SNAPIN: variants seen among roughly 807,000 people sequenced by gnomAD.
The protein encoded by SNAPIN is SNARE-associated protein Snapin.
In SNAPIN, 16 loss-of-function variants were observed where a neutral mutation model predicts 15.9. The observed-to-expected ratio is 1.01, with a 90% CI of 0.68 to 1.53. The LOEUF (loss-of-function observed/expected upper bound fraction) is 1.53. SNAPIN is among the 40% of genes most tolerant of loss of function. SNAPIN has a pLI of 0.00. For missense variants in SNAPIN, 186 were observed against 180.1 expected, an observed-to-expected ratio of 1.03 and a Z score of -0.19; for synonymous variants, 83 against 76.2, an observed-to-expected ratio of 1.09 and a Z score of -0.46.
chr1:153,659,458 C>A lies in SNAPIN; in HGVS notation c.201C>A (p.Arg67=), dbSNP rs746255445. The A allele has an allele frequency of 1.9e-6, 3 of 1,613,408 alleles. No homozygotes were observed. The highest frequency in any genetic ancestry group is 2.5e-6 in the Non-Finnish European group (3 of 1,179,380). ...QIDNLATELC[R]INEDQKVALD... ...TACTTCCATCCCCAGAACTGTGCCG[C>A]ATAAATGAGGATCAGAAGGTGGCCC... Residue 67 remains arginine, a synonymous_variant, in exon 3 of 4, where the codon CGC becomes CGA. Coordinates refer to ENST00000368685, the MANE Select transcript of SNAPIN (RefSeq NM_012437.6).
chr1:153,659,108 T>A (rs377691948), intron 1 of SNAPIN, 30 bp from the exon 2 acceptor site: 2 of 1,613,466 alleles, frequency 1.2e-6, no homozygotes, highest in Non-Finnish European at 1.7e-6. Context: ...GGTAACTGCC[T>A]GACCTTGTAG....
rs757118938 is a variant in SNAPIN at position 153,661,298 on chromosome 1, A to G, written c.408A>G (p.Lys136=). ...SGIYPPGSPG[K] ...TTTACCCCCCTGGCTCCCCAGGCAAATAACAGATGAGCCTATGGACTCAGT... is the reference window on the plus strand; with the variant it reads ...TTTACCCCCCTGGCTCCCCAGGCAAGTAACAGATGAGCCTATGGACTCAGT... Residue 136 remains lysine, a synonymous_variant, in exon 4 of 4, where the codon AAA becomes AAG. Transcript: ENST00000368685. 1.1e-5 allele frequency: 17 copies of G among 1,611,258 alleles called. No individual in the cohort carries two copies. The highest frequency in any genetic ancestry group is 1.3e-5 in the African/African-American group (1 of 74,864).
rs34770483 is a variant in SNAPIN, at chr1:153,660,786, A to ATT, written c.310-400_310-399dup. Among the ~76,000 whole-genome samples, 936 of 137,570 alleles carry ATT rather than the reference A, an allele frequency of 6.8e-3. 13 individuals are homozygous for ATT. The highest frequency in any genetic ancestry group is 0.023 in the African/African-American group (868 of 37,136). 90.3% of individuals were successfully genotyped at this position (137,570 alleles called of 152,430 possible). A position where few individuals can be genotyped will look rare whatever the true frequency, so the allele number is the denominator to read the frequency against. On this transcript the variant is annotated intron_variant, in intron 3 of 3. Transcript: ENST00000368685. ...GGCATGAGCACCATGCCTGGCCTAC[A>ATT]TTTTTTTTTTTTTTTGAGATGGAGT... is the stretch of plus-strand genomic sequence containing the variant.
At position 153,658,751 on chromosome 1, in the gene SNAPIN, G is replaced by A; in HGVS notation, c.8G>A (p.Gly3Glu). The change falls in exon 1 of 4, where the codon GGG becomes GAG. Residue 3 changes from glycine to glutamate, a missense_variant. Gly to Glu is a moderately conservative substitution (Grantham distance 98). Coordinates refer to ENST00000368685, the MANE Select transcript of SNAPIN (RefSeq NM_012437.6). The part of the protein sequence containing the change: MA[G>E]AGSAAVSGAG... ...GCTTCAGGACAATTCGTGATGGCGG[G>A]GGCTGGTTCCGCCGCTGTATCGGGG... 6.4e-7 allele frequency: 1 copy of A among 1,562,466 alleles called. No individual in the cohort carries two copies.
chr1:153,660,838 G>A (rs979849175), intron 3 of SNAPIN, among the ~76,000 whole-genome samples: 7 of 148,540 alleles, frequency 4.7e-5, no homozygotes, highest in Non-Finnish European at 8.9e-5. Flanking sequence ...AGGCTAGAGT[G>A]CAGTGGCACG....
intron 3 of SNAPIN, among the ~76,000 whole-genome samples, chr1:153,659,825 C>T (rs375757409): frequency 2.6e-5 from 4 of 151,960 alleles, no homozygotes; most frequent in African/African-American, 9.7e-5. Flanking sequence ...CTGCAACCTC[C>T]GCCCCCTGGG....
At chr1:153,660,376 C>G (rs6427640) in intron 3 of SNAPIN, among the ~76,000 whole-genome samples, 1 of 147,240 alleles carries the variant, frequency 6.8e-6, no homozygotes, top group South Asian at 2.1e-4. Flanking sequence ...CGGCTGGGCG[C>G]GGTGGCTCTT....
rs368346117 is a variant in SNAPIN at position 153,661,145 on chromosome 1, TAC to T, written c.310-52_310-51del. On this transcript the variant is annotated intron_variant, in intron 3 of 3. Transcript: ENST00000368685. ...GGTATTTTTCAGCACCTAGTTCACT[TAC>T]ACTCTCAAGCCTTTCACAGTGGTTA... 2.8e-6 allele frequency: 4 copies of T among 1,452,052 alleles called. No individual in the cohort carries two copies. The African/African-American group carries it at 4.2e-5, about 15-fold the overall frequency. The allele number at this position is 1,452,052 out of a possible 1,614,324, so 89.9% of individuals were successfully genotyped here.
At chr1:153,660,888 G>A (rs919498479) in intron 3 of SNAPIN, among the ~76,000 whole-genome samples, 5 of 150,924 alleles carry the variant, frequency 3.3e-5, no homozygotes, top group Admixed American at 6.6e-5. Context: ...GGTTTCAAGC[G>A]ATTCTCCTGC....
chr1:153,659,969 A>G (rs1330647796), intron 3 of SNAPIN, among the ~76,000 whole-genome samples: 2 of 152,032 alleles, frequency 1.3e-5, no homozygotes, highest in East Asian at 3.9e-4. Context: ...TCCTGGGCTC[A>G]AGTGAGCTTC....
At position 153,661,592 on chromosome 1, in the gene SNAPIN, C is replaced by G; in HGVS notation, c.*291C>G. Reference sequence around the variant, plus strand: ...TTTTAAGCTGCATACGTGAGGCTTACCTTCTTCAGGACTAGTTAACCAGAG... The same window carrying G: ...TTTTAAGCTGCATACGTGAGGCTTAGCTTCTTCAGGACTAGTTAACCAGAG... On this transcript the variant is annotated 3_prime_UTR_variant, in exon 4 of 4. Transcript: ENST00000368685. 1 of 234,058 alleles carries G rather than the reference C, an allele frequency of 4.3e-6. No individual in the cohort carries two copies. The highest frequency in any genetic ancestry group is 6.2e-5 in the South Asian group (1 of 16,084). 14.5% of individuals were successfully genotyped at this position (234,058 alleles called of 1,614,324 possible).
At position 153,658,753 on chromosome 1, in the gene SNAPIN, G is replaced by C. The variant is rs947871223; in HGVS notation, c.10G>C (p.Ala4Pro). 2.6e-6 allele frequency: 4 copies of C among 1,564,148 alleles called. No individual in the cohort carries two copies. The African/African-American group carries it at 4.2e-5, about 16-fold the overall frequency. The change falls in exon 1 of 4, where the codon GCT becomes CCT. Residue 4 changes from alanine to proline, a missense_variant. Physicochemically the swap from Ala to Pro is conservative, Grantham distance 27. Coordinates refer to ENST00000368685, the MANE Select transcript of SNAPIN (RefSeq NM_012437.6). MAG[A>P]GSAAVSGAGT... ...TTCAGGACAATTCGTGATGGCGGGG[G>C]CTGGTTCCGCCGCTGTATCGGGGGC...
At chr1:153,658,656 G>C, upstream of SNAPIN, 5 of 1,397,124 alleles carry the variant, frequency 3.6e-6, no homozygotes, top group South Asian at 1.7e-5. Flanking sequence ...GCATTTCCCG[G>C]GCGCCCCCTC....
In SNAPIN at chr1:153,661,379, G is replaced by A. The variant is rs898228090; in HGVS notation, c.*78G>A. On this transcript the variant is annotated 3_prime_UTR_variant, in exon 4 of 4. Coordinates refer to ENST00000368685, the MANE Select transcript of SNAPIN (RefSeq NM_012437.6). ...TTCAACAGACATGCAAAGATCCTAG[G>A]AGACAGTCCCCATAGACCTTCAGAC... 5.5e-6 allele frequency: 6 copies of A among 1,098,348 alleles called. No homozygotes were observed. Among genetic ancestry groups the A allele is most frequent in the Non-Finnish European group, 8.2e-6 (6 of 728,868 alleles). The allele number at this position is 1,098,348 out of a possible 1,614,324, so 68.0% of individuals were successfully genotyped here. A position where few individuals can be genotyped will look rare whatever the true frequency, so the allele number is the denominator to read the frequency against.
chr1:153,659,554 A>G lies in SNAPIN; in HGVS notation c.297A>G (p.Leu99=). ...GCGTTGTCTTGGTTAACAACATTCTACAGAATGCTCAGGTAAAAGAATATC... is the reference window on the plus strand; with the variant it reads ...GCGTTGTCTTGGTTAACAACATTCTGCAGAATGCTCAGGTAAAAGAATATC... ...RRRVVLVNNI[L]QNAQERLRRL... is the part of the protein sequence containing the mutation. The change falls in exon 3 of 4, where the codon CTA becomes CTG. Residue 99 remains leucine, a synonymous_variant. Coordinates refer to ENST00000368685, the MANE Select transcript of SNAPIN (RefSeq NM_012437.6). 1 of 1,610,184 alleles carries G rather than the reference A, an allele frequency of 6.2e-7. No homozygotes were observed. The highest frequency in any genetic ancestry group is 1.1e-5 in the South Asian group (1 of 91,022).
At chr1:153,659,587 C>G (rs1294831325) in intron 3 of SNAPIN, 21 bp downstream of exon 3, 1 of 1,526,850 alleles carries the variant, frequency 6.5e-7, no homozygotes, top group Non-Finnish European at 9.1e-7. Flanking sequence ...ATCTTACCAA[C>G]AGTGATTCTT....
chr1:153,661,279 C>CGTA lies in SNAPIN; in HGVS notation c.389_390insGTA (p.Pro130_Pro131insTyr). ...GCAATGCTGGATTCGGGAATTTACC[C>CGTA]CCCTGGCTCCCCAGGCAAATAACAG... is the stretch of plus-strand genomic sequence containing the variant. On this transcript the variant is annotated inframe_insertion, in exon 4 of 4. Coordinates refer to ENST00000368685, the MANE Select transcript of SNAPIN (RefSeq NM_012437.6). 1 of 1,613,384 alleles carries CGTA rather than the reference C, an allele frequency of 6.2e-7. No individual in the cohort carries two copies. Among genetic ancestry groups the CGTA allele is most frequent in the South Asian group, 1.1e-5 (1 of 91,064 alleles).
In SNAPIN at chr1:153,661,828, T is replaced by C. The variant is rs1669175689; in HGVS notation, c.*527T>C. On this transcript the variant is annotated 3_prime_UTR_variant, in exon 4 of 4. Transcript: ENST00000368685. Reference sequence around the variant, plus strand: ...CATTTTATTCAATAAATACTTAAAATGATATTCTAGTTTACTCTGGTATAT... The same window carrying C: ...CATTTTATTCAATAAATACTTAAAACGATATTCTAGTTTACTCTGGTATAT... 6.4e-6 allele frequency: 1 copy of C among 155,204 alleles called. No homozygotes were observed. The highest frequency in any genetic ancestry group is 6.3e-5 in the Admixed American group (1 of 15,862). 9.6% of individuals were successfully genotyped at this position (155,204 alleles called of 1,614,324 possible). A position where few individuals can be genotyped will look rare whatever the true frequency, so the allele number is the denominator to read the frequency against.
At chr1:153,659,855 G>A (rs927204326) in intron 3 of SNAPIN, among the ~76,000 whole-genome samples, 1 of 151,826 alleles carries the variant, frequency 6.6e-6, no homozygotes, top group East Asian at 1.9e-4. Flanking sequence ...TTCTGCCTCC[G>A]CCTCCCGAGT....
Sources: gnomAD v4.1 joint callset for allele counts (sites outside exome capture counted in the v4.1 genomes callset) on GRCh38, gnomAD v4.1.1 for gene constraint, MANE v1.5 for transcripts, NCBI Gene and HGNC (gene_info 2026-07-23, HGNC 2026-07-21) for gene names.